SLC8A1: variants seen among roughly 807,000 people sequenced by gnomAD.
The protein encoded by SLC8A1 is solute carrier family 8 member A1.
In SLC8A1, 18 loss-of-function variants were observed where a neutral mutation model predicts 68.3. That is an observed-to-expected ratio of 0.26 (90% CI 0.18 to 0.39). The LOEUF (loss-of-function observed/expected upper bound fraction) is 0.39. Ranked by LOEUF, SLC8A1 falls within the 10% of genes least tolerant of loss-of-function variation. The probability of loss-of-function intolerance (pLI) is 1.00; values close to 1 mark genes in which losing one functional copy is unlikely to be tolerated. For synonymous variants in SLC8A1, 475 were observed against 415.5 expected, an observed-to-expected ratio of 1.14 and a Z score of -1.74; for missense variants, 985 against 1,156.7, an observed-to-expected ratio of 0.85 and a Z score of 2.15.
At chr2:40,331,657 G>A (rs749634127) in intron 2 of SLC8A1, among the ~76,000 whole-genome samples, 1 of 151,702 alleles carries the variant, frequency 6.6e-6, no homozygotes. Context: ...GCAATGGTGC[G>A]ATCTCGGCTC....
At chr2:40,338,439 A>C (rs1316449159) in intron 2 of SLC8A1, among the ~76,000 whole-genome samples, 1 of 152,154 alleles carries the variant, frequency 6.6e-6, no homozygotes, top group Admixed American at 6.6e-5. Context: ...AATACCAGCT[A>C]TTCTGAGAAC....
intron 1 of SLC8A1, among the ~76,000 whole-genome samples, chr2:40,495,954 ATCTG>A (rs1167793523): frequency 7.2e-5 from 11 of 152,122 alleles, no homozygotes; most frequent in African/African-American, 2.4e-4. Flanking sequence ...AAAATTATCT[ATCTG>A]TCTATCAATC....
chr2:40,263,881 G>T (rs547431038), intron 2 of SLC8A1, among the ~76,000 whole-genome samples: 1 of 152,250 alleles, frequency 6.6e-6, no homozygotes, highest in South Asian at 2.1e-4. Flanking sequence ...CTTGTGCACA[G>T]CAAAAGAAAC....
chr2:40,345,293 T>C (rs1397063619), intron 2 of SLC8A1, among the ~76,000 whole-genome samples: 5 of 152,184 alleles, frequency 3.3e-5, no homozygotes. Flanking sequence ...AACATCTGTA[T>C]TTAGTAATAA....
intron 2 of SLC8A1, among the ~76,000 whole-genome samples, chr2:40,420,672 A>C (rs893127999): frequency 2.0e-5 from 3 of 152,192 alleles, no homozygotes; most frequent in African/African-American, 7.2e-5. Flanking sequence ...CACGGGGTGC[A>C]ATGTGGTTAA....
At chr2:40,347,880 A>G (rs1353024438) in intron 2 of SLC8A1, among the ~76,000 whole-genome samples, 2 of 152,218 alleles carry the variant, frequency 1.3e-5, no homozygotes, top group Non-Finnish European at 2.9e-5. Flanking sequence ...AACAAAGATA[A>G]GGAGATAAAA....
intron 6 of SLC8A1, 54 bp from the exon 10 acceptor site, chr2:40,139,730 CCT>C (rs2041199797): frequency 6.4e-7 from 1 of 1,570,080 alleles, no homozygotes; most frequent in Non-Finnish European, 8.7e-7. Context: ...GCCGGGTCTT[CCT>C]CTCTCTCAAT....
At chr2:40,283,772 C>T (rs2067853970) in intron 2 of SLC8A1, among the ~76,000 whole-genome samples, 1 of 152,164 alleles carries the variant, frequency 6.6e-6, no homozygotes, top group Admixed American at 6.5e-5. Context: ...ATATCCTTGA[C>T]AGCGTTCCTA....
intron 2 of SLC8A1, among the ~76,000 whole-genome samples, chr2:40,223,091 C>G (rs6706969): frequency 0.62 from 94,426 of 151,964 alleles, 29,886 homozygotes; most frequent in Middle Eastern, 0.79. Context: ...CAGCAGTATT[C>G]ACAACAGCAG....
At chr2:40,432,025 T>C (rs944141265) in intron 1 of SLC8A1, among the ~76,000 whole-genome samples, 2 of 151,950 alleles carry the variant, frequency 1.3e-5, no homozygotes, top group South Asian at 2.1e-4. Flanking sequence ...AAAATAGAGG[T>C]AGCATATTTT....
intron 2 of SLC8A1, among the ~76,000 whole-genome samples, chr2:40,317,916 G>A (rs1250891024): frequency 6.6e-6 from 1 of 152,072 alleles, no homozygotes; most frequent in Non-Finnish European, 1.5e-5. Flanking sequence ...AGAGTTCTGT[G>A]AGGTCATTGC....
At chr2:40,360,975 G>A (rs1337490657) in intron 2 of SLC8A1, among the ~76,000 whole-genome samples, 10 of 151,928 alleles carry the variant, frequency 6.6e-5, no homozygotes, top group Admixed American at 2.6e-4. Context: ...TGTAGATCTC[G>A]TGTGGATCTC....
intron 1 of SLC8A1, among the ~76,000 whole-genome samples, chr2:40,436,248 T>C (rs528311581): frequency 3.9e-4 from 59 of 152,164 alleles, no homozygotes; most frequent in Non-Finnish European, 6.8e-4. Flanking sequence ...ATCTGCTTAT[T>C]GAATGAGTAA....
intron 2 of SLC8A1, among the ~76,000 whole-genome samples, chr2:40,273,716 C>T (rs1197921601): frequency 6.6e-6 from 1 of 152,128 alleles, no homozygotes; most frequent in Non-Finnish European, 1.5e-5. Context: ...AATGACACTA[C>T]AGTAATTCTA....
intron 2 of SLC8A1, 31 bp from the exon 3 acceptor site, chr2:40,178,524 G>A (rs1280805478): frequency 1.3e-6 from 2 of 1,558,640 alleles, no homozygotes; most frequent in East Asian, 2.2e-5. Flanking sequence ...TGACGAACAA[G>A]GGGAAGAGGA....
chr2:40,179,645 C>T (rs928196031), intron 2 of SLC8A1, among the ~76,000 whole-genome samples: 5 of 152,130 alleles, frequency 3.3e-5, no homozygotes, highest in East Asian at 3.8e-4. Flanking sequence ...TTGTAGACAA[C>T]GGAATTTTAA....
rs1224143732 is a variant in SLC8A1 at position 40,287,372 on chromosome 2, G to A, written c.1809-109517C>T. On this transcript the variant is annotated intron_variant, in intron 2 of 7. Coordinates refer to ENST00000406785, the Ensembl canonical transcript of SLC8A1. ...AAAATATGTTGGCAGCAGTCTATAC[G>A]TGTTCTCAGTGATGTAATAGGAGTC... Among the ~76,000 whole-genome samples, 5 of 152,168 alleles carry A rather than the reference G, an allele frequency of 3.3e-5. No individual in the cohort carries two copies. In the South Asian group the frequency reaches 1.0e-3, roughly 32 times the overall value.
chr2:40,133,613 A>G (rs74903017), intron 7 of SLC8A1, among the ~76,000 whole-genome samples: 1 of 152,074 alleles, frequency 6.6e-6, no homozygotes, highest in African/African-American at 2.4e-5. Context: ...TGGTAGCAGG[A>G]ACTAGTGGGA....
chr2:40,342,910 A>T (rs990572942), intron 2 of SLC8A1, among the ~76,000 whole-genome samples: 1 of 152,176 alleles, frequency 6.6e-6, no homozygotes, highest in African/African-American at 2.4e-5. Context: ...TAAGATTTAT[A>T]ACTGGGTAAA....
Sources: gnomAD v4.1 joint callset for allele counts (sites outside exome capture counted in the v4.1 genomes callset) on GRCh38, gnomAD v4.1.1 for gene constraint, MANE v1.5 for transcripts, NCBI Gene and HGNC (gene_info 2026-07-23, HGNC 2026-07-21) for gene names.